The following KIF21A variants were observed in gnomAD, a reference collection of about 807,000 sequenced individuals.
The protein encoded by KIF21A is kinesin family member 21A.
KIF21A carries 114 observed loss-of-function variants against 202.9 expected under a neutral mutation model. The observed-to-expected ratio is 0.56, with a 90% confidence interval of 0.48 to 0.66. KIF21A has a LOEUF of 0.66. Among genes scored for constraint, KIF21A ranks in the 30% least tolerant of loss-of-function variants. The probability of loss-of-function intolerance (pLI) is 0.00; values close to 1 mark genes in which losing one functional copy is unlikely to be tolerated. For missense variants in KIF21A, 1,677 were observed against 1,994.9 expected (o/e 0.84, Z 3.04); for synonymous variants, 667 against 670.8 (o/e 0.99, Z 0.09).
chr12:39,429,505 A>C (rs183849328), intron 1 of KIF21A, among the ~76,000 whole-genome samples: 1 of 152,378 alleles, frequency 6.6e-6, no homozygotes, highest in Admixed American at 6.5e-5. Context: ...AGGGGGCCCA[A>C]GTGAAGACTA....
Position 39,342,087 on chromosome 12 carries a change from C to G in KIF21A, c.1750G>C (p.Glu584Gln). ...GAAACACCCTTTTCTTCTTTCTTCT[C>G]TTGGTCAGTGTCTGTATTATCCTCT... is the stretch of plus-strand genomic sequence containing the variant. Reference protein sequence around the residue: ...GKEDNTDTDQEKKEEKGVSER... With the variant: ...GKEDNTDTDQQKKEEKGVSER... Residue 584 changes from glutamate to glutamine, a missense_variant, in exon 13 of 38, where the codon GAG (glutamate) becomes CAG (glutamine). Glu to Gln is a conservative substitution (Grantham distance 29). Coordinates refer to ENST00000361418, the MANE Select transcript of KIF21A (RefSeq NM_001173464.2). 6.2e-7 allele frequency: 1 copy of G among 1,611,926 alleles called. No individual in the cohort carries two copies. The highest frequency in any genetic ancestry group is 8.5e-7 in the Non-Finnish European group (1 of 1,178,386).
At chr12:39,381,418 C>T (rs575998767) in intron 1 of KIF21A, among the ~76,000 whole-genome samples, 11 of 151,860 alleles carry the variant, frequency 7.2e-5, no homozygotes, top group African/African-American at 2.2e-4. Context: ...TTTACAATCA[C>T]TCTGGGAAGG....
At chr12:39,307,890 T>C (rs1391202976) in intron 33 of KIF21A, among the ~76,000 whole-genome samples, 161 bp from the exon 34 acceptor site, 2 of 152,114 alleles carry the variant, frequency 1.3e-5, no homozygotes, top group East Asian at 3.9e-4. Flanking sequence ...ACAGAGTTGG[T>C]GCATATAAAT....
chr12:39,347,035 T>C (rs1347737688), intron 11 of KIF21A, among the ~76,000 whole-genome samples: 1 of 151,852 alleles, frequency 6.6e-6, no homozygotes, highest in Non-Finnish European at 1.5e-5. Context: ...ATACTACATA[T>C]GAATATCAAT....
intron 1 of KIF21A, among the ~76,000 whole-genome samples, chr12:39,413,968 C>A (rs1020077163): frequency 2.0e-5 from 3 of 152,044 alleles, no homozygotes; most frequent in African/African-American, 7.2e-5. Flanking sequence ...CAACAAAATA[C>A]CATTTTAAAA....
rs1555172724 is a variant in KIF21A, at chr12:39,355,707, T to TTATATATATATACATATA, written c.1469+1124_1469+1125insTATATGTATATATATATA. ...TACCAAAAACATGAAGCATGAACAA[T>TTATATATATATACATATA]TATATATATATATATATATATATAT... On this transcript the variant is annotated intron_variant, in intron 10 of 37. Transcript: ENST00000361418. 1.3e-3 allele frequency among the ~76,000 whole-genome samples: 134 copies of TTATATATATATACATATA among 101,226 alleles called. 3 individuals are homozygous for TTATATATATATACATATA. Among genetic ancestry groups the TTATATATATATACATATA allele is most frequent in the African/African-American group, 5.8e-3 (120 of 20,626 alleles). 66.4% of individuals were successfully genotyped at this position (101,226 alleles called of 152,430 possible). A position where few individuals can be genotyped will look rare whatever the true frequency, so the allele number is the denominator to read the frequency against.
In KIF21A at chr12:39,294,494, T is replaced by C. The variant is rs896750929; in HGVS notation, c.4955A>G (p.Lys1652Arg). 6.2e-7 allele frequency: 1 copy of C among 1,613,588 alleles called. No individual in the cohort carries two copies. The highest frequency in any genetic ancestry group is 8.5e-7 in the Non-Finnish European group (1 of 1,179,730). Residue 1652 changes from lysine (K) to arginine (R), a missense_variant, in exon 38 of 38, where the codon AAG becomes AGG. By Grantham distance (26) the Lys-to-Arg change is conservative (BLOSUM62 2). This residue lies in a region of KIF21A where 705 missense variants were observed against 791.9 expected (regional missense o/e 0.89). Coordinates refer to ENST00000361418, the MANE Select transcript of KIF21A (RefSeq NM_001173464.2). Reference sequence around the variant, plus strand: ...CTGACCATCTTGCAAATTGCGAGCCTTCCAAATTCTCACAGTTCGATCACT... The same window carrying C: ...CTGACCATCTTGCAAATTGCGAGCCCTCCAAATTCTCACAGTTCGATCACT... ...AADDRTVRIW[K>R]ARNLQDGQIS...
chr12:39,319,002 T>C (rs1427160790), intron 28 of KIF21A, among the ~76,000 whole-genome samples: 1 of 151,546 alleles, frequency 6.6e-6, no homozygotes, highest in Non-Finnish European at 1.5e-5. Context: ...AAAAGGATAA[T>C]TTCTATGACA....
At chr12:39,343,463 T>C (rs1260319025) in intron 12 of KIF21A, among the ~76,000 whole-genome samples, 1 of 152,060 alleles carries the variant, frequency 6.6e-6, no homozygotes, top group Non-Finnish European at 1.5e-5. Flanking sequence ...CAAAAAAAAC[T>C]TTACAACTTT....
At chr12:39,328,018 A>G (rs2137980312) in intron 24 of KIF21A, among the ~76,000 whole-genome samples, 1 of 152,280 alleles carries the variant, frequency 6.6e-6, no homozygotes, top group African/African-American at 2.4e-5. Flanking sequence ...TTATATATAT[A>G]GCTTCTGTAT....
intron 1 of KIF21A, among the ~76,000 whole-genome samples, chr12:39,383,060 T>C (rs1050463914): frequency 6.6e-6 from 1 of 152,190 alleles, no homozygotes; most frequent in African/African-American, 2.4e-5. Flanking sequence ...CCTTAGCAAG[T>C]GGGCAAGAGC....
chr12:39,331,711 G>T lies in KIF21A; in HGVS notation c.3132C>A (p.Phe1044Leu). 1 of 1,612,644 alleles carries T rather than the reference G, an allele frequency of 6.2e-7. No homozygotes were observed. Among genetic ancestry groups the T allele is most frequent in the Non-Finnish European group, 8.5e-7 (1 of 1,178,710 alleles). ...LTEARYLLDH[F>L]LSMGINKGLQ... ...TTACCTTATTGATGCCCATTGACAG[G>T]AAGTGATCTAGCAGGTATCGGGCTT... Residue 1044 changes from phenylalanine to leucine, a missense_variant, in exon 22 of 38, where the codon TTC becomes TTA. Physicochemically the swap from Phe to Leu is conservative, Grantham distance 22. Around this residue, in one of 3 missense-constraint regions of KIF21A, gnomAD observed 705 missense variants for 791.9 expected, o/e 0.89. Coordinates refer to ENST00000361418, the MANE Select transcript of KIF21A (RefSeq NM_001173464.2).
At chr12:39,309,982 G>C (rs1179828358) in intron 32 of KIF21A, among the ~76,000 whole-genome samples, 2 of 151,944 alleles carry the variant, frequency 1.3e-5, no homozygotes, top group Non-Finnish European at 2.9e-5. Context: ...TGGGATGTCT[G>C]GTGTATGTAT....
intron 27 of KIF21A, chr12:39,321,981 A>G (rs1428295120): frequency 6.6e-6 from 1 of 152,652 alleles, no homozygotes; most frequent in Non-Finnish European, 1.5e-5. Context: ...ACACAGGACT[A>G]TGTGGGAAAA....
chr12:39,435,221 A>G (rs1332421835), intron 1 of KIF21A, among the ~76,000 whole-genome samples: 1 of 152,204 alleles, frequency 6.6e-6, no homozygotes, highest in Non-Finnish European at 1.5e-5. Context: ...CCTGGGGTTA[A>G]ATCCTGAATG....
chr12:39,362,011 G>A (rs1249495892), intron 7 of KIF21A, among the ~76,000 whole-genome samples: 1 of 152,154 alleles, frequency 6.6e-6, no homozygotes, highest in African/African-American at 2.4e-5. Flanking sequence ...TCTTGGAACT[G>A]TTCTCATGAT....
At chr12:39,411,191 T>C (rs1233106517) in intron 1 of KIF21A, among the ~76,000 whole-genome samples, 1 of 152,212 alleles carries the variant, frequency 6.6e-6, no homozygotes, top group African/African-American at 2.4e-5. Flanking sequence ...TATCCTAAAG[T>C]CTTATTTAAT....
In KIF21A at chr12:39,411,390, G is replaced by A. The variant is rs114293058; in HGVS notation, c.44+31537C>T. Among the ~76,000 whole-genome samples, 686 of 152,216 alleles carry A rather than the reference G, an allele frequency of 4.5e-3. 6 individuals are homozygous for A. The highest frequency in any genetic ancestry group is 0.016 in the African/African-American group (654 of 41,526). On this transcript the variant is annotated intron_variant, in intron 1 of 37. Coordinates refer to ENST00000361418, the MANE Select transcript of KIF21A (RefSeq NM_001173464.2). ...AATCTGCATTTTAACAAGATCCACAGGTGACCGGAATACATATTTAAGTTT... is the reference window on the plus strand; with the variant it reads ...AATCTGCATTTTAACAAGATCCACAAGTGACCGGAATACATATTTAAGTTT...
At chr12:39,426,843 C>G (rs1954798622) in intron 1 of KIF21A, among the ~76,000 whole-genome samples, 1 of 149,186 alleles carries the variant, frequency 6.7e-6, no homozygotes, top group South Asian at 2.1e-4. Flanking sequence ...GAGATCACAC[C>G]ACTGCATTCC....
Sources: gnomAD v4.1 joint callset for allele counts (sites outside exome capture counted in the v4.1 genomes callset) on GRCh38, gnomAD v4.1.1 for gene constraint, gnomAD v4.1.1 regional missense constraint, MANE v1.5 for transcripts, NCBI Gene and HGNC (gene_info 2026-07-23, HGNC 2026-07-21) for gene names.